The following LRRTM4 variants were observed in gnomAD, a reference collection of about 807,000 sequenced individuals.
LRRTM4 encodes the protein leucine-rich repeat transmembrane neuronal protein 4.
A neutral mutation model predicts 47.6 loss-of-function variants in LRRTM4; 25 were observed. The observed-to-expected ratio is 0.53, with a 90% CI of 0.38 to 0.73. The LOEUF (loss-of-function observed/expected upper bound fraction) is 0.73. Among genes scored for constraint, LRRTM4 ranks in the 30% least tolerant of loss-of-function variants. The pLI is 0.00. For synonymous variants in LRRTM4, 311 were observed against 269.5 expected (o/e 1.15, Z -1.51); for missense variants, 638 against 713.4 (o/e 0.89, Z 1.20).
At chr2:77,484,714 T>G (rs1248932156) in intron 3 of LRRTM4, among the ~76,000 whole-genome samples, 1 of 152,190 alleles carries the variant, frequency 6.6e-6, no homozygotes, top group Non-Finnish European at 1.5e-5. Context: ...AATTTAAAAC[T>G]ATTTTTATTT....
At chr2:77,120,153 G>T (rs1443870304) in intron 3 of LRRTM4, among the ~76,000 whole-genome samples, 2 of 151,666 alleles carry the variant, frequency 1.3e-5, no homozygotes, top group Non-Finnish European at 3.0e-5. Flanking sequence ...ATTGGAAAAT[G>T]GTTTTTTTTG....
At chr2:77,480,957 C>T (rs929924837) in intron 3 of LRRTM4, among the ~76,000 whole-genome samples, 7 of 151,894 alleles carry the variant, frequency 4.6e-5, no homozygotes, top group African/African-American at 1.7e-4. Context: ...CCAACACATC[C>T]CAAACTTCCC....
In LRRTM4 at chr2:77,094,017, A is replaced by ATT. The variant is rs139860444; in HGVS notation, c.1552-345102_1552-345101insAA. 1.1e-4 allele frequency among the ~76,000 whole-genome samples: 16 copies of ATT among 151,058 alleles called. No individual in the cohort carries two copies. The South Asian group carries it at 3.3e-3, about 31-fold the overall frequency. On this transcript the variant is annotated intron_variant, in intron 3 of 3. Transcript: ENST00000409884. ...GCCCCACCCCTATCTCCCTTCGCTG[A>ATT]CTCTTTTCGGATTGTTTCTGTTTGC...
At chr2:77,464,604 T>A (rs1676912930) in intron 3 of LRRTM4, among the ~76,000 whole-genome samples, 1 of 152,040 alleles carries the variant, frequency 6.6e-6, no homozygotes, top group Admixed American at 6.6e-5. Context: ...AGGCTACAGA[T>A]TCACTTGGAT....
intron 3 of LRRTM4, among the ~76,000 whole-genome samples, chr2:76,801,653 TTAAAG>T (rs966734293): frequency 2.0e-5 from 3 of 151,660 alleles, no homozygotes; most frequent in African/African-American, 7.3e-5. Context: ...ACCCTAAAAC[TTAAAG>T]TATAATAAAA....
At chr2:76,783,016 A>G (rs80153635) in intron 3 of LRRTM4, among the ~76,000 whole-genome samples, 1,995 of 152,206 alleles carry the variant, frequency 0.013, 39 homozygotes, top group African/African-American at 0.039. Flanking sequence ...CCATATATAT[A>G]TATATAAAGC....
chr2:76,894,021 A>T (rs546591255), intron 3 of LRRTM4, among the ~76,000 whole-genome samples: 11 of 152,074 alleles, frequency 7.2e-5, no homozygotes, highest in African/African-American at 2.6e-4. Context: ...AATTAAAGTC[A>T]AATGTGCATA....
At chr2:76,953,825 C>G (rs1401618637) in intron 3 of LRRTM4, among the ~76,000 whole-genome samples, 2 of 151,928 alleles carry the variant, frequency 1.3e-5, no homozygotes, top group Non-Finnish European at 2.9e-5. Context: ...TTATCTGACT[C>G]AGAGTCCTGA....
At chr2:76,906,468 C>T (rs1004517082) in intron 3 of LRRTM4, among the ~76,000 whole-genome samples, 1 of 151,758 alleles carries the variant, frequency 6.6e-6, no homozygotes, top group Non-Finnish European at 1.5e-5. Flanking sequence ...CTAACATCAT[C>T]AAGACAGGAT....
chr2:76,794,281 TAGATC>T (rs1675138377), intron 3 of LRRTM4, among the ~76,000 whole-genome samples: 1 of 152,186 alleles, frequency 6.6e-6, no homozygotes, highest in South Asian at 2.1e-4. Flanking sequence ...GCTGTGTCCT[TAGATC>T]GGAGATAACA....
intron 3 of LRRTM4, among the ~76,000 whole-genome samples, chr2:76,958,456 T>G (rs1326342899): frequency 6.6e-6 from 1 of 151,806 alleles, no homozygotes; most frequent in Non-Finnish European, 1.5e-5. Flanking sequence ...ACGCTGATAT[T>G]GCTGAATGTT....
At chr2:77,475,566 C>G (rs1677353956) in intron 3 of LRRTM4, among the ~76,000 whole-genome samples, 1 of 151,856 alleles carries the variant, frequency 6.6e-6, no homozygotes, top group African/African-American at 2.4e-5. Context: ...ATGTAAAGGT[C>G]TATTATTCCT....
chr2:77,246,975 G>C (rs1360777078), intron 3 of LRRTM4, among the ~76,000 whole-genome samples: 3 of 151,764 alleles, frequency 2.0e-5, no homozygotes, highest in Non-Finnish European at 4.4e-5. Flanking sequence ...ATATAAATGT[G>C]TTTGCAAAAA....
chr2:77,166,386 A>G (rs1672886139), intron 3 of LRRTM4, among the ~76,000 whole-genome samples: 2 of 152,232 alleles, frequency 1.3e-5, no homozygotes, highest in East Asian at 3.9e-4. Context: ...ACTGTCCAAG[A>G]TAATTATAGA....
chr2:76,958,823 T>C (rs1675761163), intron 3 of LRRTM4, among the ~76,000 whole-genome samples: 1 of 151,756 alleles, frequency 6.6e-6, no homozygotes, highest in African/African-American at 2.4e-5. Context: ...ATTTTTCAGA[T>C]TTTTAATTTT....
At chr2:76,791,315 T>A (rs1322783127) in intron 3 of LRRTM4, among the ~76,000 whole-genome samples, 1 of 151,152 alleles carries the variant, frequency 6.6e-6, no homozygotes, top group Non-Finnish European at 1.5e-5. Context: ...GGAACCATCA[T>A]TTATCTGAAG....
At chr2:77,521,563 G>GCT in intron 2 of LRRTM4, 105 bp downstream of exon 2, 1 of 1,311,920 alleles carries the variant, frequency 7.6e-7, no homozygotes, top group Non-Finnish European at 1.1e-6. Flanking sequence ...AAAGGCTGCT[G>GCT]CTCTTTGCCT....
chr2:77,490,703 C>T (rs751421411), intron 3 of LRRTM4, among the ~76,000 whole-genome samples: 3 of 152,062 alleles, frequency 2.0e-5, no homozygotes, highest in African/African-American at 4.8e-5. Context: ...CTTTGAACTG[C>T]GTCTGAAAGC....
intron 3 of LRRTM4, among the ~76,000 whole-genome samples, chr2:77,404,813 A>G (rs1349814827): frequency 6.6e-6 from 1 of 152,262 alleles, no homozygotes; most frequent in Admixed American, 6.6e-5. Flanking sequence ...AGTGGTGGGA[A>G]AGCTAATTAA....
Sources: allele counts gnomAD v4.1 joint callset (sites outside exome capture counted in the v4.1 genomes callset), GRCh38; gene constraint gnomAD v4.1.1; transcripts MANE v1.5; gene names NCBI Gene and HGNC (gene_info 2026-07-23, HGNC 2026-07-21).